The following MYO1E variants were observed in gnomAD, a reference collection of about 807,000 sequenced individuals.
The protein encoded by MYO1E is unconventional myosin-Ie.
MYO1E carries 68 observed loss-of-function variants against 151.1 expected under a neutral mutation model. That is an observed-to-expected ratio of 0.45 (90% confidence interval 0.37 to 0.55). MYO1E has a LOEUF of 0.55. Among genes scored for constraint, MYO1E ranks in the 20% least tolerant of loss-of-function variants. MYO1E has a pLI of 0.00. For synonymous variants in MYO1E, 601 were observed against 501.7 expected (o/e 1.20, Z -2.64); for missense variants, 1,363 against 1,389.3 (o/e 0.98, Z 0.30).
rs554810683 is a variant in MYO1E, at chr15:59,296,258, T to C, written c.4-23809A>G. Among the ~76,000 whole-genome samples the C allele has an allele frequency of 4.9e-4, 74 of 152,324 alleles. 1 individual carries two copies. The South Asian group carries it at 0.013, about 28-fold the overall frequency. On this transcript the variant is annotated intron_variant, in intron 1 of 27. Coordinates refer to ENST00000288235, the MANE Select transcript of MYO1E (RefSeq NM_004998.4). ...GCCCACAGCAATTTCCCATTTTAAC[T>C]GATGCTTCCTGTTTTCTATGCTGGG...
chr15:59,269,752 C>T (rs1216380601), intron 2 of MYO1E, among the ~76,000 whole-genome samples: 4 of 151,744 alleles, frequency 2.6e-5, no homozygotes, highest in South Asian at 4.2e-4. Flanking sequence ...CCCAGCTACT[C>T]GGGAGGCTGA....
In MYO1E at chr15:59,135,494, G is replaced by A. The variant is rs554895869; in HGVS notation, c.*1886C>T. The A allele has an allele frequency of 6.6e-6, 1 of 152,274 alleles. No individual in the cohort carries two copies. The highest frequency in any genetic ancestry group is 1.9e-4 in the East Asian group (1 of 5,188). 9.4% of individuals were successfully genotyped at this position (152,274 alleles called of 1,614,324 possible). On this transcript the variant is annotated 3_prime_UTR_variant, in exon 28 of 28. Transcript: ENST00000288235. ...CTGCGGGGAGTCCATGAATGTGAAAGTACTTTAGAGACCACTAGTGTCAAC... is the reference window on the plus strand; with the variant it reads ...CTGCGGGGAGTCCATGAATGTGAAAATACTTTAGAGACCACTAGTGTCAAC...
At chr15:59,144,676 A>G (rs990397587) in intron 26 of MYO1E, among the ~76,000 whole-genome samples, 6 of 152,138 alleles carry the variant, frequency 3.9e-5, no homozygotes, top group Non-Finnish European at 8.8e-5. Context: ...TGTGTCAACG[A>G]AGCCGTCACA....
rs144084713 is a variant in MYO1E at position 59,297,856 on chromosome 15, A to C, written c.4-25407T>G. ...CGTGGGCTTTGAAAGTGCTGGGATTACAGGCATGAGTTTTCCTTTGTCTTT... is the reference window on the plus strand; with the variant it reads ...CGTGGGCTTTGAAAGTGCTGGGATTCCAGGCATGAGTTTTCCTTTGTCTTT... On this transcript the variant is annotated intron_variant, in intron 1 of 27. Transcript: ENST00000288235. Among the ~76,000 whole-genome samples the C allele has an allele frequency of 2.8e-4, 43 of 152,310 alleles. No homozygotes were observed. In the East Asian group the frequency reaches 6.9e-3, roughly 25 times the overall value.
At chr15:59,236,435 T>C (rs1165189204) in intron 5 of MYO1E, 150 bp downstream of exon 5, 5 of 587,556 alleles carry the variant, frequency 8.5e-6, no homozygotes, top group Non-Finnish European at 1.6e-5. Context: ...CACATACATA[T>C]GCTATTCCTT....
intron 3 of MYO1E, among the ~76,000 whole-genome samples, chr15:59,259,495 A>G (rs1347491051): frequency 6.6e-6 from 1 of 152,146 alleles, no homozygotes; most frequent in Non-Finnish European, 1.5e-5. Flanking sequence ...GAGTGTCACC[A>G]AAACTTAGCC....
At chr15:59,250,733 C>T (rs1035857459) in intron 4 of MYO1E, among the ~76,000 whole-genome samples, 3 of 152,028 alleles carry the variant, frequency 2.0e-5, no homozygotes, top group Non-Finnish European at 4.4e-5. Context: ...AGGCCTGTGT[C>T]CTTAACCTGG....
At chr15:59,152,608 C>T (rs753592248) in intron 26 of MYO1E, among the ~76,000 whole-genome samples, 10 of 152,194 alleles carry the variant, frequency 6.6e-5, no homozygotes, top group Non-Finnish European at 1.3e-4. Context: ...AGTGAGCAGA[C>T]GCCTGCATGC....
At chr15:59,180,821 G>A (rs761736438) in intron 18 of MYO1E, among the ~76,000 whole-genome samples, 1 of 152,206 alleles carries the variant, frequency 6.6e-6, no homozygotes, top group Non-Finnish European at 1.5e-5. Flanking sequence ...TGGTGCCCCT[G>A]CCTAACTGGT....
At chr15:59,256,458 T>C in intron 3 of MYO1E, 80 bp from the exon 4 acceptor site, 1 of 741,670 alleles carries the variant, frequency 1.3e-6, no homozygotes, top group Non-Finnish European at 2.1e-6. Context: ...AGATAGGCAA[T>C]ACACTCAATT....
chr15:59,153,897 C>T, intron 25 of MYO1E, 106 bp from the exon 26 acceptor site: 1 of 1,071,360 alleles, frequency 9.3e-7, no homozygotes, highest in Non-Finnish European at 1.4e-6. Flanking sequence ...TACTTAACTT[C>T]TGAGTCTCAA....
In MYO1E at chr15:59,142,635, A is replaced by G. The variant is rs146624336; in HGVS notation, c.3081-4268T>C. ...TCTAACAGCTTCTCTCTGCTCTTGG[A>G]AAAAGGACCAAAACCCTTCATGGCG... On this transcript the variant is annotated intron_variant, in intron 26 of 27. Coordinates refer to ENST00000288235, the MANE Select transcript of MYO1E (RefSeq NM_004998.4). Among the ~76,000 whole-genome samples the G allele has an allele frequency of 9.1e-4, 139 of 152,250 alleles. No individual in the cohort carries two copies. The Middle Eastern group carries it at 0.024, about 26-fold the overall frequency.
chr15:59,235,219 A>G (rs1272712003), intron 5 of MYO1E, among the ~76,000 whole-genome samples: 1 of 152,206 alleles, frequency 6.6e-6, no homozygotes, highest in Non-Finnish European at 1.5e-5. Flanking sequence ...AGTTTCTTGA[A>G]TTGGCAAGTG....
intron 1 of MYO1E, among the ~76,000 whole-genome samples, chr15:59,310,855 AT>A (rs2140410392): frequency 6.6e-6 from 1 of 152,174 alleles, no homozygotes; most frequent in East Asian, 1.9e-4. Context: ...TGGTCTCAGA[AT>A]TATGGTTCTA....
At chr15:59,348,577 G>A (rs1247125408) in intron 1 of MYO1E, 2 of 151,938 alleles carry the variant, frequency 1.3e-5, no homozygotes, top group African/African-American at 2.4e-5. Flanking sequence ...AATTTTAGCT[G>A]GATAAAGACC....
rs530640848 is a variant in MYO1E at position 59,292,427 on chromosome 15, G to C, written c.4-19978C>G. On this transcript the variant is annotated intron_variant, in intron 1 of 27. Transcript: ENST00000288235. Reference sequence around the variant, plus strand: ...TGTACTACGACTGGCAGGCATATGAGTTCTGAAATTTAAAGTGCGTTACTA... The same window carrying C: ...TGTACTACGACTGGCAGGCATATGACTTCTGAAATTTAAAGTGCGTTACTA... Among the ~76,000 whole-genome samples the C allele has an allele frequency of 2.0e-5, 3 of 152,308 alleles. No homozygotes were observed. In the South Asian group the frequency reaches 6.2e-4, roughly 32 times the overall value.
chr15:59,263,218 G>A (rs1481118744), intron 2 of MYO1E, among the ~76,000 whole-genome samples: 1 of 152,200 alleles, frequency 6.6e-6, no homozygotes, highest in African/African-American at 2.4e-5. Context: ...ATTAAGACCT[G>A]TGTACCATGA....
rs147640129 is a variant in MYO1E, at chr15:59,199,104, T to C, written c.1698+3222A>G. ...AGATTTTGGAATATTGGCATTATACTTTATTTTTTGAGATGGAGTCTCGCT... is the reference window on the plus strand; with the variant it reads ...AGATTTTGGAATATTGGCATTATACCTTATTTTTTGAGATGGAGTCTCGCT... On this transcript the variant is annotated intron_variant, in intron 16 of 27. Transcript: ENST00000288235. 2.7e-4 allele frequency among the ~76,000 whole-genome samples: 41 copies of C among 152,322 alleles called. 1 individual carries two copies. Among genetic ancestry groups the C allele is most frequent in the African/African-American group, 7.0e-4 (29 of 41,580 alleles).
intron 12 of MYO1E, among the ~76,000 whole-genome samples, chr15:59,213,740 C>T (rs1336734831): frequency 4.6e-5 from 7 of 152,138 alleles, no homozygotes; most frequent in Non-Finnish European, 8.8e-5. Flanking sequence ...GGATTACAGG[C>T]ACGAGCCACA....
Sources: gnomAD v4.1 joint callset for allele counts (sites outside exome capture counted in the v4.1 genomes callset) on GRCh38, gnomAD v4.1.1 for gene constraint, MANE v1.5 for transcripts, NCBI Gene and HGNC (gene_info 2026-07-23, HGNC 2026-07-21) for gene names.